Variants in NALCN observed in about 807,000 individuals in gnomAD.
NALCN encodes the protein sodium leak channel NALCN.
Under a neutral mutation model 225.3 loss-of-function variants are expected in NALCN, and 111 were observed. The observed-to-expected ratio is 0.49, with a 90% CI of 0.42 to 0.58. NALCN has a LOEUF of 0.58. Ranked by LOEUF, NALCN falls within the 20% of genes least tolerant of loss-of-function variation. NALCN has a pLI of 0.00. For synonymous variants in NALCN, 764 were observed against 769.0 expected, an observed-to-expected ratio of 0.99 and a Z score of 0.11; for missense variants, 1,378 against 2,202.4, an observed-to-expected ratio of 0.63 and a Z score of 7.49.
intron 12 of NALCN, among the ~76,000 whole-genome samples, chr13:101,237,303 C>A (rs1418745623): frequency 1.3e-5 from 2 of 151,826 alleles, no homozygotes; most frequent in Non-Finnish European, 2.9e-5. Context: ...TTTTATAAAC[C>A]TTTAATATTT....
rs528952106 is a variant in NALCN, at chr13:101,089,206, T to C, written c.3489+457A>G. Reference sequence around the variant, plus strand: ...AGCCACCATGCCCTGCCACAAAATCTTTTTTTCTGTGAATTAGGATTTTGA... The same window carrying C: ...AGCCACCATGCCCTGCCACAAAATCCTTTTTTCTGTGAATTAGGATTTTGA... On this transcript the variant is annotated intron_variant, in intron 30 of 43. Transcript: ENST00000251127. This position sits in a 1 kb window ranked among gnomAD's most constrained non-coding sequence, Gnocchi z 4.7. 1.1e-4 allele frequency among the ~76,000 whole-genome samples: 16 copies of C among 152,300 alleles called. No homozygotes were observed. Among genetic ancestry groups the C allele is most frequent in the Admixed American group, 2.0e-4 (3 of 15,296 alleles).
At chr13:101,057,717 GCCTGAAATGTAC>G in intron 43 of NALCN, 1 of 556,000 alleles carries the variant, frequency 1.8e-6, no homozygotes, top group South Asian at 2.0e-5. Flanking sequence ...AACCATGATA[GCCTGAAATGTAC>G]CCGGAAAATG....
intron 18 of NALCN, among the ~76,000 whole-genome samples, chr13:101,119,354 A>T (rs2035862229): frequency 6.6e-6 from 1 of 152,170 alleles, no homozygotes; most frequent in Admixed American, 6.5e-5. Flanking sequence ...ATTCCTTAAG[A>T]CTTAAACAGT....
chr13:101,229,311 A>G, intron 13 of NALCN, 82 bp downstream of exon 13: 1 of 1,239,846 alleles, frequency 8.1e-7, no homozygotes. Flanking sequence ...CTGAATGACT[A>G]AAGTGAAATT....
chr13:101,216,129 G>T (rs1288949995), intron 13 of NALCN, among the ~76,000 whole-genome samples: 2 of 151,972 alleles, frequency 1.3e-5, no homozygotes, highest in Non-Finnish European at 2.9e-5. Context: ...TCTGTATAAA[G>T]AATGTATTAT....
intron 3 of NALCN, among the ~76,000 whole-genome samples, chr13:101,381,592 C>T (rs61973726): frequency 0.21 from 31,582 of 152,058 alleles, 3,870 homozygotes; most frequent in Non-Finnish European, 0.29. Context: ...CCCTTCATTC[C>T]TTCCTCCCTC....
At chr13:101,356,941 A>G (rs772343055) in intron 6 of NALCN, among the ~76,000 whole-genome samples, 1 of 152,200 alleles carries the variant, frequency 6.6e-6, no homozygotes, top group Non-Finnish European at 1.5e-5. Context: ...CAAAAGCCAC[A>G]TGATTCTCAA....
chr13:101,204,562 C>T (rs1433063881), intron 13 of NALCN, among the ~76,000 whole-genome samples: 2 of 152,050 alleles, frequency 1.3e-5, no homozygotes, highest in African/African-American at 2.4e-5. Flanking sequence ...GACATCAGAA[C>T]ATTATGCCTA....
At chr13:101,210,416 T>C (rs1353027133) in intron 13 of NALCN, among the ~76,000 whole-genome samples, 3 of 152,174 alleles carry the variant, frequency 2.0e-5, no homozygotes, top group South Asian at 2.1e-4. Context: ...ATACATATCA[T>C]TGGGTGAATG....
chr13:101,373,929 TAA>T (rs2046612059), intron 6 of NALCN, among the ~76,000 whole-genome samples: 1 of 152,138 alleles, frequency 6.6e-6, no homozygotes, highest in African/African-American at 2.4e-5. Flanking sequence ...AATAAATATG[TAA>T]AGATTTTTAT....
At chr13:101,111,032 C>T (rs975605621) in intron 19 of NALCN, 93 bp downstream of exon 19, 6 of 1,303,396 alleles carry the variant, frequency 4.6e-6, no homozygotes, top group Non-Finnish European at 4.3e-6. Context: ...GTCTGGCAGC[C>T]AGGGCTGACA....
Position 101,413,349 on chromosome 13 carries a change from A to T in NALCN, c.-40+2964T>A, listed in dbSNP as rs935895212. ...TGGACATATTTGGATATTTATACTG[A>T]AAAACATAAAATAGAAATAAATCTC... On this transcript the variant is annotated intron_variant, in intron 1 of 43. Coordinates refer to ENST00000251127, the MANE Select transcript of NALCN (RefSeq NM_052867.4). 8.5e-5 allele frequency among the ~76,000 whole-genome samples: 13 copies of T among 152,108 alleles called. 1 individual carries two copies. The highest frequency in any genetic ancestry group is 8.5e-4 in the Admixed American group (13 of 15,270).
intron 18 of NALCN, among the ~76,000 whole-genome samples, chr13:101,113,980 G>A (rs2035574202): frequency 6.6e-6 from 1 of 152,150 alleles, no homozygotes; most frequent in African/African-American, 2.4e-5. Context: ...GTGGGGAGGG[G>A]TGAGTAGGGA....
At chr13:101,157,399 G>C (rs2037957158) in intron 15 of NALCN, among the ~76,000 whole-genome samples, 1 of 152,128 alleles carries the variant, frequency 6.6e-6, no homozygotes, top group African/African-American at 2.4e-5. Context: ...CTGAATTACA[G>C]AAAACACAAG....
chr13:101,415,789 C>G (rs1227112433), intron 1 of NALCN, among the ~76,000 whole-genome samples: 5 of 152,202 alleles, frequency 3.3e-5, no homozygotes, highest in Non-Finnish European at 4.4e-5. Context: ...CGGAGACCTG[C>G]TGGAGCCAGG....
At chr13:101,141,697 C>T (rs555813663) in intron 17 of NALCN, among the ~76,000 whole-genome samples, 74 of 150,286 alleles carry the variant, frequency 4.9e-4, no homozygotes, top group Admixed American at 2.6e-3. Flanking sequence ...AAAGGGGAGG[C>T]GAGATAAAGA....
chr13:101,256,312 TC>T (rs1464680490), intron 11 of NALCN, among the ~76,000 whole-genome samples: 1 of 152,058 alleles, frequency 6.6e-6, no homozygotes, highest in Non-Finnish European at 1.5e-5. Context: ...TCCTCCATTC[TC>T]CTCCCATTTC....
At chr13:101,149,257 C>T (rs1268329512) in intron 15 of NALCN, among the ~76,000 whole-genome samples, 1 of 149,538 alleles carries the variant, frequency 6.7e-6, no homozygotes, top group Non-Finnish European at 1.5e-5. Flanking sequence ...TGTGCCACTG[C>T]ACTCCAGCCT....
intron 10 of NALCN, among the ~76,000 whole-genome samples, chr13:101,268,638 A>C (rs2042675549): frequency 6.6e-6 from 1 of 152,212 alleles, no homozygotes; most frequent in South Asian, 2.1e-4. Context: ...CACTAGGAGC[A>C]CACAAAAGCC....
Sources: gnomAD v4.1 joint callset for allele counts (sites outside exome capture counted in the v4.1 genomes callset) on GRCh38, gnomAD v4.1.1 for gene constraint, Gnocchi (gnomAD v3.1) non-coding constraint, MANE v1.5 for transcripts, NCBI Gene and HGNC (gene_info 2026-07-23, HGNC 2026-07-21) for gene names.